The following POLR3B variants were observed in gnomAD, a reference collection of about 807,000 sequenced individuals.
The protein encoded by POLR3B is RNA polymerase III subunit B.
Under a neutral mutation model 147.4 loss-of-function variants are expected in POLR3B, and 96 were observed. The ratio of observed to expected loss-of-function variants is 0.65; its 90% CI spans 0.55 to 0.77. The LOEUF (loss-of-function observed/expected upper bound fraction) is 0.77, where lower values mean the gene tolerates loss of function less well. POLR3B is among the 30% of genes least tolerant of loss of function. The pLI, the probability that POLR3B is intolerant of heterozygous loss-of-function variation, is 0.00. For synonymous variants in POLR3B, 461 were observed against 485.9 expected (o/e 0.95, Z 0.67); for missense variants, 1,036 against 1,413.5 (o/e 0.73, Z 4.28).
At chr12:106,448,609 T>C (rs2037756832) in intron 19 of POLR3B, among the ~76,000 whole-genome samples, 1 of 151,452 alleles carries the variant, frequency 6.6e-6, no homozygotes, top group African/African-American at 2.4e-5. Context: ...GCTAATTTTT[T>C]TTTGTTTTTT....
intron 19 of POLR3B, among the ~76,000 whole-genome samples, chr12:106,449,365 G>A (rs2037768219): frequency 6.6e-6 from 1 of 152,082 alleles, no homozygotes. Flanking sequence ...GACTAAGGAT[G>A]CTCAACCTGT....
At chr12:106,487,796 A>G (rs1222259823) in intron 23 of POLR3B, among the ~76,000 whole-genome samples, 3 of 152,210 alleles carry the variant, frequency 2.0e-5, no homozygotes, top group Non-Finnish European at 4.4e-5. Context: ...AGTGGTAGTT[A>G]TGTGCTGCAT....
rs751975109 is a variant in POLR3B, at chr12:106,393,040, G to A, written c.733G>A (p.Val245Ile). 2.2e-5 allele frequency: 36 copies of A among 1,614,084 alleles called. No individual in the cohort carries two copies. The South Asian group carries it at 3.7e-4, about 17-fold the overall frequency. ...PIVIIFKAMGVESDQEIVQMI... is the reference protein window; with the variant it reads ...PIVIIFKAMGIESDQEIVQMI... Reference sequence around the variant, plus strand: ...TTTCTTTCCTTCCTAGGCCATGGGTGTTGAGAGTGACCAGGAAATTGTGCA... The same window carrying A: ...TTTCTTTCCTTCCTAGGCCATGGGTATTGAGAGTGACCAGGAAATTGTGCA... The change falls in exon 10 of 28, where the codon GTT becomes ATT. Residue 245 changes from valine to isoleucine, a missense_variant. Around this residue, in one of 12 missense-constraint regions of POLR3B, gnomAD observed 217 missense variants for 288.7 expected, o/e 0.75. Coordinates refer to ENST00000228347, the MANE Select transcript of POLR3B (RefSeq NM_018082.6).
intron 23 of POLR3B, among the ~76,000 whole-genome samples, chr12:106,476,899 C>G (rs995336301): frequency 6.6e-6 from 1 of 151,814 alleles, no homozygotes; most frequent in East Asian, 1.9e-4. Flanking sequence ...AGCTTTGTTC[C>G]GTTGCTGGTG....
intron 23 of POLR3B, among the ~76,000 whole-genome samples, chr12:106,494,274 T>G (rs1410433800): frequency 2.0e-5 from 3 of 152,174 alleles, no homozygotes; most frequent in African/African-American, 7.2e-5. Flanking sequence ...ATGTCATGCT[T>G]CCTTGGTCAG....
chr12:106,493,130 A>G (rs1421706510), intron 23 of POLR3B, among the ~76,000 whole-genome samples: 2 of 152,354 alleles, frequency 1.3e-5, no homozygotes, highest in East Asian at 1.9e-4. Flanking sequence ...TTGTTTCACA[A>G]CAGCTTCCAT....
At chr12:106,383,259 A>G (rs1021009348) in intron 9 of POLR3B, among the ~76,000 whole-genome samples, 1 of 152,174 alleles carries the variant, frequency 6.6e-6, no homozygotes, top group African/African-American at 2.4e-5. Flanking sequence ...AACCATCTCC[A>G]TATCAGCAAT....
At position 106,454,648 on chromosome 12, in the gene POLR3B, A is replaced by T; in HGVS notation, c.2230A>T (p.Met744Leu). Residue 744 changes from methionine (M) to leucine (L), a missense_variant, in exon 20 of 28, where the codon ATG (methionine) becomes TTG (leucine). By Grantham distance (15) the Met-to-Leu change is conservative (BLOSUM62 2). Transcript: ENST00000228347. ...PAGQNATVAVMSYSGYDIEDA... is the reference protein window; with the variant it reads ...PAGQNATVAVLSYSGYDIEDA... ...TGGACAGAATGCAACAGTTGCTGTG[A>T]TGAGCTATAGTGGCTATGATATTGA... The T allele has an allele frequency of 6.2e-7, 1 of 1,612,352 alleles. No homozygotes were observed. Among genetic ancestry groups the T allele is most frequent in the Non-Finnish European group, 8.5e-7 (1 of 1,178,504 alleles).
chr12:106,500,869 T>G (rs1202492315), intron 25 of POLR3B, among the ~76,000 whole-genome samples: 1 of 152,216 alleles, frequency 6.6e-6, no homozygotes, highest in Non-Finnish European at 1.5e-5. Flanking sequence ...AGATTCCAAG[T>G]ATGATGGGAA....
At chr12:106,446,373 GAA>G in intron 19 of POLR3B, 1 of 160,698 alleles carries the variant, frequency 6.2e-6, no homozygotes, top group East Asian at 2.3e-4. Flanking sequence ...GAATAGACTT[GAA>G]AGAAAGAAAT....
At chr12:106,433,093 C>G (rs2137004615) in intron 15 of POLR3B, among the ~76,000 whole-genome samples, 2 of 152,308 alleles carry the variant, frequency 1.3e-5, no homozygotes, top group East Asian at 3.9e-4. Context: ...TCCTCTCCCC[C>G]TTCCTCTCAT....
At chr12:106,398,273 C>T (rs1178842590) in intron 10 of POLR3B, among the ~76,000 whole-genome samples, 3 of 152,302 alleles carry the variant, frequency 2.0e-5, no homozygotes, top group Middle Eastern at 3.4e-3. Context: ...AAGGCGGCAG[C>T]GAGGCTGGGG....
Position 106,444,448 on chromosome 12 carries a change from TACTTA to T in POLR3B, c.1956-10_1956-6del. ...CTTGATGCTTAAGATATGTGATTTT[TACTTA>T]ACTTGTTAGAGACACCACCCACTTG... On this transcript the variant is annotated splice_polypyrimidine_tract_variant and intron_variant, in intron 18 of 27. Transcript: ENST00000228347. 2 of 1,613,940 alleles carry T rather than the reference TACTTA, an allele frequency of 1.2e-6. No individual in the cohort carries two copies. Among genetic ancestry groups the T allele is most frequent in the Non-Finnish European group, 8.5e-7 (1 of 1,179,820 alleles).
At chr12:106,358,039 G>A in intron 1 of POLR3B, 88 bp downstream of exon 1, 5 of 1,569,584 alleles carry the variant, frequency 3.2e-6, no homozygotes, top group South Asian at 2.3e-5. Flanking sequence ...CAAGGGGGCG[G>A]GCTGGCGGTT....
intron 23 of POLR3B, among the ~76,000 whole-genome samples, chr12:106,478,614 ATT>A (rs2038216311): frequency 6.6e-6 from 1 of 152,108 alleles, no homozygotes; most frequent in Non-Finnish European, 1.5e-5. Flanking sequence ...TATGTTAAAG[ATT>A]GGGGAAAAAA....
At chr12:106,503,530 C>T (rs2038635997) in intron 26 of POLR3B, among the ~76,000 whole-genome samples, 1 of 152,174 alleles carries the variant, frequency 6.6e-6, no homozygotes, top group Non-Finnish European at 1.5e-5. Flanking sequence ...ACCTCTGGGT[C>T]CTGTATTCTT....
chr12:106,477,562 C>T (rs887059229), intron 23 of POLR3B, among the ~76,000 whole-genome samples: 2 of 151,870 alleles, frequency 1.3e-5, no homozygotes, highest in South Asian at 2.1e-4. Context: ...GATATAGTCT[C>T]GTGGTGCACC....
At chr12:106,376,628 T>G (rs1035377045) in intron 7 of POLR3B, among the ~76,000 whole-genome samples, 178 bp downstream of exon 7, 1 of 138,122 alleles carries the variant, frequency 7.2e-6, no homozygotes, top group Non-Finnish European at 1.5e-5. Flanking sequence ...TTTCTTTCTT[T>G]CTTTTTTGAG....
At chr12:106,480,492 A>G (rs2038251433) in intron 23 of POLR3B, among the ~76,000 whole-genome samples, 1 of 152,124 alleles carries the variant, frequency 6.6e-6, no homozygotes, top group African/African-American at 2.4e-5. Context: ...AGGCAGGGGC[A>G]GGGACTGGAG....
Sources: allele counts gnomAD v4.1 joint callset (sites outside exome capture counted in the v4.1 genomes callset), GRCh38; gene constraint gnomAD v4.1.1; regional missense constraint gnomAD v4.1.1; transcripts MANE v1.5; gene names NCBI Gene and HGNC (gene_info 2026-07-23, HGNC 2026-07-21).